The following RBFOX1 variants were observed in gnomAD, a reference collection of about 807,000 sequenced individuals.
RBFOX1 encodes RNA binding fox-1 homolog 1, also known as RNA binding protein fox-1 homolog 1.
A neutral mutation model predicts 57.7 loss-of-function variants in RBFOX1; 8 were observed. The ratio of observed to expected loss-of-function variants is 0.14; its 90% confidence interval spans 0.08 to 0.25. The LOEUF (loss-of-function observed/expected upper bound fraction) is 0.25. Among genes scored for constraint, RBFOX1 ranks in the 10% least tolerant of loss-of-function variants. The pLI, the probability that RBFOX1 is intolerant of heterozygous loss-of-function variation, is 1.00. For missense variants in RBFOX1, 611 were observed against 548.5 expected (o/e 1.11, Z -1.14); for synonymous variants, 326 against 222.4 (o/e 1.47, Z -4.15).
intron 1 of RBFOX1, among the ~76,000 whole-genome samples, chr16:6,307,679 A>G (rs1377416497): frequency 6.8e-6 from 1 of 147,380 alleles, no homozygotes; most frequent in East Asian, 2.0e-4. Flanking sequence ...ATATTTATGT[A>G]TTTTTATAAA....
intron 2 of RBFOX1, among the ~76,000 whole-genome samples, chr16:6,477,779 A>G (rs1002044164): frequency 6.6e-6 from 1 of 152,214 alleles, no homozygotes; most frequent in Admixed American, 6.5e-5. Flanking sequence ...TGTTTTGTCT[A>G]CACTGAAAAT....
chr16:6,348,023 C>A (rs975016670), intron 2 of RBFOX1, among the ~76,000 whole-genome samples: 1 of 152,114 alleles, frequency 6.6e-6, no homozygotes, highest in Non-Finnish European at 1.5e-5. Context: ...AAACCCAGCC[C>A]GTTCATACCT....
chr16:7,044,670 T>A (rs1020629498), intron 3 of RBFOX1, among the ~76,000 whole-genome samples: 1 of 151,886 alleles, frequency 6.6e-6, no homozygotes, highest in African/African-American at 2.4e-5. Flanking sequence ...GGCCATAAAA[T>A]ATATTGGTTT....
intron 3 of RBFOX1, among the ~76,000 whole-genome samples, chr16:5,832,489 C>T (rs553284026): frequency 4.8e-4 from 73 of 152,314 alleles, no homozygotes; most frequent in African/African-American, 1.8e-3. Context: ...AGTCCCAGCT[C>T]TTGGGGCTGT....
intron 3 of RBFOX1, among the ~76,000 whole-genome samples, chr16:6,767,023 C>T (rs543084933): frequency 8.5e-5 from 13 of 152,166 alleles, no homozygotes; most frequent in Middle Eastern, 3.4e-3. Flanking sequence ...CTGGTCATGG[C>T]GAGGTCTTTT....
chr16:6,165,414 C>A (rs7191238), intron 1 of RBFOX1, among the ~76,000 whole-genome samples: 2 of 152,102 alleles, frequency 1.3e-5, no homozygotes, highest in African/African-American at 4.8e-5. Context: ...GTTCATTATA[C>A]TGAAGACAAT....
rs376109664 is a variant in RBFOX1 at position 7,084,221 on chromosome 16, C to T, written c.27+32123C>T. ...CAATTAAATATAACAGAACACTGTG[C>T]TGGTCAAATGGACTATATATGTATA... is the stretch of plus-strand genomic sequence containing the variant. On this transcript the variant is annotated intron_variant, in intron 4 of 15. Coordinates refer to ENST00000550418, the MANE Select transcript of RBFOX1 (RefSeq NM_018723.4). Among the ~76,000 whole-genome samples, 9 of 152,152 alleles carry T rather than the reference C, an allele frequency of 5.9e-5. 1 individual carries two copies. In the South Asian group the frequency reaches 1.9e-3, roughly 32 times the overall value.
chr16:5,896,444 C>T (rs2058165453), intron 4 of RBFOX1, among the ~76,000 whole-genome samples: 1 of 152,100 alleles, frequency 6.6e-6, no homozygotes, highest in Non-Finnish European at 1.5e-5. Context: ...CTGCGCTCCC[C>T]CTGTTTTGCT....
At chr16:6,578,657 G>A in intron 2 of RBFOX1, among the ~76,000 whole-genome samples, 1 of 131,064 alleles carries the variant, frequency 7.6e-6, no homozygotes, top group South Asian at 2.4e-4. Flanking sequence ...CAAAAATATA[G>A]AGAAGGAGAG....
At chr16:6,953,333 A>G (rs547349095) in intron 3 of RBFOX1, among the ~76,000 whole-genome samples, 4 of 152,224 alleles carry the variant, frequency 2.6e-5, no homozygotes, top group South Asian at 2.1e-4. Flanking sequence ...TTTCACCAGC[A>G]ACTTAATAAC....
intron 4 of RBFOX1, among the ~76,000 whole-genome samples, chr16:7,264,266 A>G (rs532093437): frequency 6.6e-6 from 1 of 152,356 alleles, no homozygotes; most frequent in Non-Finnish European, 1.5e-5. Flanking sequence ...AGAAGAAAAA[A>G]CAAAATTGGT....
At chr16:6,961,561 C>T (rs375140904) in intron 3 of RBFOX1, among the ~76,000 whole-genome samples, 18 of 152,302 alleles carry the variant, frequency 1.2e-4, no homozygotes, top group African/African-American at 3.1e-4. Flanking sequence ...AAGAAACAAA[C>T]GAATGGCTAC....
intron 2 of RBFOX1, among the ~76,000 whole-genome samples, chr16:6,581,923 C>T (rs971174639): frequency 7.2e-5 from 11 of 152,190 alleles, no homozygotes; most frequent in African/African-American, 1.4e-4. Flanking sequence ...TTCATATAAA[C>T]CAATCGTTAT....
intron 3 of RBFOX1, among the ~76,000 whole-genome samples, chr16:5,800,435 A>C (rs934737777): frequency 1.3e-5 from 2 of 152,164 alleles, no homozygotes; most frequent in Non-Finnish European, 2.9e-5. Context: ...CAGGTTGTGA[A>C]CAGGCTCTGC....
chr16:6,485,999 G>A (rs1001653013), intron 2 of RBFOX1, among the ~76,000 whole-genome samples: 65 of 143,796 alleles, frequency 4.5e-4, no homozygotes, highest in African/African-American at 1.7e-3. Flanking sequence ...TCTTAAAAAG[G>A]ACCAGCTAAT....
intron 1 of RBFOX1, among the ~76,000 whole-genome samples, chr16:6,092,014 C>T (rs964974798): frequency 6.6e-6 from 1 of 152,150 alleles, no homozygotes; most frequent in Non-Finnish European, 1.5e-5. Flanking sequence ...TATCTACCTA[C>T]CTGTTCACAC....
intron 3 of RBFOX1, among the ~76,000 whole-genome samples, chr16:6,680,621 T>C (rs1229416411): frequency 1.3e-5 from 2 of 152,176 alleles, no homozygotes; most frequent in Non-Finnish European, 2.9e-5. Context: ...TATTCTAAAA[T>C]AACAATAAAG....
chr16:6,834,383 C>A (rs750578703), intron 3 of RBFOX1, among the ~76,000 whole-genome samples: 1 of 151,912 alleles, frequency 6.6e-6, no homozygotes, highest in Non-Finnish European at 1.5e-5. Flanking sequence ...GGCCCTGATC[C>A]AAAAAATATT....
At chr16:5,666,114 G>T (rs1314821034) in intron 3 of RBFOX1, among the ~76,000 whole-genome samples, 1 of 152,216 alleles carries the variant, frequency 6.6e-6, no homozygotes, top group East Asian at 1.9e-4. Context: ...AGGTTTGCAG[G>T]GGCCGGTTCC....
Sources: allele counts gnomAD v4.1 joint callset (sites outside exome capture counted in the v4.1 genomes callset), GRCh38; gene constraint gnomAD v4.1.1; transcripts MANE v1.5; gene names NCBI Gene and HGNC (gene_info 2026-07-23, HGNC 2026-07-21).